The following SYN3 variants were observed in gnomAD, a reference collection of about 807,000 sequenced individuals.
SYN3 encodes synapsin-3.
SYN3 carries 35 observed loss-of-function variants against 65.8 expected under a neutral mutation model. That is an observed-to-expected ratio of 0.53 (90% confidence interval 0.41 to 0.70). SYN3 has a LOEUF of 0.70. Ranked by LOEUF, SYN3 falls within the 30% of genes least tolerant of loss-of-function variation. The pLI is 0.00. For synonymous variants in SYN3, 270 were observed against 292.9 expected, an observed-to-expected ratio of 0.92 and a Z score of 0.80; for missense variants, 680 against 749.0, an observed-to-expected ratio of 0.91 and a Z score of 1.08.
intron 7 of SYN3, among the ~76,000 whole-genome samples, chr22:32,544,185 G>A (rs761009324): frequency 6.6e-6 from 1 of 152,148 alleles, no homozygotes; most frequent in Non-Finnish European, 1.5e-5. Context: ...CGATCTTTCC[G>A]CCTCGGCCTT....
intron 3 of SYN3, among the ~76,000 whole-genome samples, chr22:32,977,063 A>G (rs1215257902): frequency 6.6e-6 from 1 of 152,164 alleles, no homozygotes; most frequent in Non-Finnish European, 1.5e-5. Context: ...TCTGATTCCA[A>G]GATGGATTTG....
chr22:32,615,448 A>AAAAAAG (rs1458941523), intron 6 of SYN3, among the ~76,000 whole-genome samples: 3 of 149,450 alleles, frequency 2.0e-5, no homozygotes, highest in African/African-American at 5.0e-5. Flanking sequence ...AAAAAAAAAA[A>AAAAAAG]AAAGAAAAAA....
chr22:32,513,985 TTAC>T (rs2057729183), intron 13 of SYN3, among the ~76,000 whole-genome samples, 161 bp from the exon 14 acceptor site: 1 of 152,218 alleles, frequency 6.6e-6, no homozygotes, highest in African/African-American at 2.4e-5. Context: ...GTCAGGTACA[TTAC>T]ACACATAATT....
chr22:32,903,856 T>C (rs778898891), intron 4 of SYN3, among the ~76,000 whole-genome samples: 2 of 152,236 alleles, frequency 1.3e-5, no homozygotes, highest in Non-Finnish European at 2.9e-5. Flanking sequence ...GAGCAAAGCA[T>C]GCATTCAGGA....
At chr22:32,640,530 G>T (rs532738137) in intron 6 of SYN3, among the ~76,000 whole-genome samples, 1 of 152,176 alleles carries the variant, frequency 6.6e-6, no homozygotes, top group African/African-American at 2.4e-5. Flanking sequence ...TAGGGGCTAA[G>T]CAGACAGGAC....
intron 6 of SYN3, among the ~76,000 whole-genome samples, chr22:32,640,939 G>T (rs2059888157): frequency 6.6e-6 from 1 of 152,142 alleles, no homozygotes; most frequent in Non-Finnish European, 1.5e-5. Context: ...GAGTCACAGG[G>T]GTATTATAAA....
At chr22:32,986,364 T>C (rs1408304534) in intron 2 of SYN3, among the ~76,000 whole-genome samples, 1 of 152,182 alleles carries the variant, frequency 6.6e-6, no homozygotes, top group East Asian at 1.9e-4. Flanking sequence ...CCCAAGCAGC[T>C]GTGGTCTTGA....
intron 6 of SYN3, among the ~76,000 whole-genome samples, chr22:32,770,098 C>T (rs1395677868): frequency 6.6e-6 from 1 of 152,160 alleles, no homozygotes; most frequent in East Asian, 1.9e-4. Flanking sequence ...TTCATTTGCT[C>T]AGCCCCGAAA....
chr22:32,551,965 T>C (rs2058422497), intron 7 of SYN3, among the ~76,000 whole-genome samples: 1 of 152,174 alleles, frequency 6.6e-6, no homozygotes, highest in South Asian at 2.1e-4. Flanking sequence ...TAAAAAACAC[T>C]GAAGGCCAGG....
chr22:32,852,035 T>G (rs773638639), intron 6 of SYN3, among the ~76,000 whole-genome samples: 8 of 152,250 alleles, frequency 5.3e-5, no homozygotes, highest in Admixed American at 1.3e-4. Context: ...TGATAAGACT[T>G]GGCATCAGTT....
chr22:32,856,922 G>A (rs2146283881), intron 6 of SYN3, among the ~76,000 whole-genome samples: 1 of 152,278 alleles, frequency 6.6e-6, no homozygotes, highest in African/African-American at 2.4e-5. Flanking sequence ...TTGTCTTTCT[G>A]TGCCTGGCTT....
At chr22:32,671,753 G>GCA (rs954001340) in intron 6 of SYN3, among the ~76,000 whole-genome samples, 3 of 137,584 alleles carry the variant, frequency 2.2e-5, no homozygotes, top group African/African-American at 5.7e-5. Flanking sequence ...TCACACAGGT[G>GCA]CACACACACT....
chr22:32,656,088 A>C (rs2060138831), intron 6 of SYN3, among the ~76,000 whole-genome samples: 1 of 152,216 alleles, frequency 6.6e-6, no homozygotes, highest in Non-Finnish European at 1.5e-5. Context: ...AGATGCACAA[A>C]AACCAGTAAG....
intron 6 of SYN3, chr22:32,802,213 T>A: frequency 6.7e-7 from 1 of 1,497,364 alleles, no homozygotes; most frequent in Non-Finnish European, 8.9e-7. Flanking sequence ...ACTCCTTTCC[T>A]CTGCCCCAGG....
intron 6 of SYN3, among the ~76,000 whole-genome samples, chr22:32,819,905 C>T (rs1179602181): frequency 1.3e-5 from 2 of 152,284 alleles, no homozygotes; most frequent in African/African-American, 4.8e-5. Flanking sequence ...CGCATGGGCC[C>T]AAGGGAAGTT....
intron 6 of SYN3, among the ~76,000 whole-genome samples, chr22:32,848,279 T>C (rs2048125955): frequency 6.6e-6 from 1 of 152,222 alleles, no homozygotes; most frequent in Admixed American, 6.5e-5. Context: ...ATCTACTGGG[T>C]AAATCCTTTC....
intron 6 of SYN3, among the ~76,000 whole-genome samples, chr22:32,757,577 G>A (rs1272485236): frequency 2.0e-5 from 3 of 151,810 alleles, no homozygotes; most frequent in African/African-American, 7.3e-5. Context: ...GATTACAGGC[G>A]TGAACCACCG....
intron 7 of SYN3, among the ~76,000 whole-genome samples, chr22:32,556,763 A>G (rs925697466): frequency 8.4e-6 from 1 of 119,672 alleles, no homozygotes; most frequent in Admixed American, 7.7e-5. Context: ...CCATATACCC[A>G]ATGACCCAAT....
chr22:33,009,888 T>TATATTTATCA lies in SYN3; in HGVS notation c.-162-3065_-162-3064insTGATAAATAT, dbSNP rs2053308439. On this transcript the variant is annotated intron_variant, in intron 1 of 13. Coordinates refer to ENST00000358763, the MANE Select transcript of SYN3 (RefSeq NM_003490.4). The stretch of plus-strand genomic sequence containing the variant: ...CAGAAACTTTTATTTTTATGAAACC[T>TATATTTATCA]AATTTATCAAATTTTTCATTTATGG... Among the ~76,000 whole-genome samples the TATATTTATCA allele has an allele frequency of 2.6e-5, 4 of 151,910 alleles. No homozygotes were observed. The South Asian group carries it at 8.3e-4, about 31-fold the overall frequency.
Sources: allele counts gnomAD v4.1 joint callset (sites outside exome capture counted in the v4.1 genomes callset), GRCh38; gene constraint gnomAD v4.1.1; transcripts MANE v1.5; gene names NCBI Gene and HGNC (gene_info 2026-07-23, HGNC 2026-07-21).